FRMPD4: variants seen among roughly 807,000 people sequenced by gnomAD.
FRMPD4 encodes FERM and PDZ domain containing 4.
In FRMPD4, 22 loss-of-function variants were observed where a neutral mutation model predicts 94.1. That is an observed-to-expected ratio of 0.23 (90% CI 0.17 to 0.33). The LOEUF is 0.33. FRMPD4 is among the 10% of genes least tolerant of loss of function. FRMPD4 has a pLI of 1.00. For synonymous variants in FRMPD4, 631 were observed against 548.6 expected (o/e 1.15, Z -2.10); for missense variants, 1,111 against 1,339.9 (o/e 0.83, Z 2.67).
intron 3 of FRMPD4, among the ~76,000 whole-genome samples, chrX:11,978,082 G>A (rs1387016376): frequency 9.2e-6 from 1 of 109,246 alleles, no homozygotes; most frequent in African/African-American, 3.3e-5. Flanking sequence ...CAGCACTTTG[G>A]TAGGCCGAGG....
intron 1 of FRMPD4, among the ~76,000 whole-genome samples, chrX:12,234,388 A>G (rs2057048212): frequency 8.9e-6 from 1 of 112,188 alleles, no homozygotes; most frequent in African/African-American, 3.2e-5. Flanking sequence ...ACTTTACAGC[A>G]TAAATCTTTT....
chrX:11,920,318 C>T (rs1252306480), intron 3 of FRMPD4, among the ~76,000 whole-genome samples: 1 of 112,066 alleles, frequency 8.9e-6, no homozygotes, highest in Non-Finnish European at 1.9e-5. Context: ...GTCAGCTGCA[C>T]AGTGGCCCTA....
chrX:12,396,613 AATAGTACTGG>A, intron 1 of FRMPD4, among the ~76,000 whole-genome samples: 1 of 112,166 alleles, frequency 8.9e-6, no homozygotes, highest in African/African-American at 3.2e-5. Flanking sequence ...AAATTCCTGA[AATAGTACTGG>A]ATCAAAAACT....
chrX:12,165,841 G>C (rs1333752307), intron 1 of FRMPD4, among the ~76,000 whole-genome samples: 1 of 110,667 alleles, frequency 9.0e-6, no homozygotes, highest in Non-Finnish European at 1.9e-5. Flanking sequence ...TCATGATTTG[G>C]CTCTCTGTTT....
chrX:12,490,680 AC>A (rs2057784278), intron 1 of FRMPD4, among the ~76,000 whole-genome samples: 1 of 111,571 alleles, frequency 9.0e-6, no homozygotes, highest in African/African-American at 3.3e-5. Flanking sequence ...AGGATAAGGA[AC>A]CTGGTTAAGC....
intron 1 of FRMPD4, among the ~76,000 whole-genome samples, chrX:12,351,786 C>T (rs774487944): frequency 8.9e-6 from 1 of 112,814 alleles, no homozygotes; most frequent in Admixed American, 9.3e-5. Flanking sequence ...TTTCACGCAA[C>T]ACTGTGTTTG....
At chrX:12,540,679 A>C (rs1366368547) in intron 2 of FRMPD4, among the ~76,000 whole-genome samples, 1 of 111,516 alleles carries the variant, frequency 9.0e-6, no homozygotes, top group Non-Finnish European at 1.9e-5. Flanking sequence ...TAGACAGATC[A>C]ACAAGACAGA....
At chrX:12,055,975 C>T (rs1377713832) in intron 3 of FRMPD4, among the ~76,000 whole-genome samples, 2 of 111,449 alleles carry the variant, frequency 1.8e-5, no homozygotes, top group East Asian at 5.6e-4. Context: ...TTCCCAAGTT[C>T]CTCCTCCTCC....
intron 3 of FRMPD4, among the ~76,000 whole-genome samples, chrX:11,987,116 A>C (rs1268633570): frequency 7.0e-5 from 7 of 100,382 alleles, no homozygotes; most frequent in Non-Finnish European, 1.2e-4. Flanking sequence ...AAAAAAAAAA[A>C]AAAAAAAAAA....
chrX:11,906,115 T>TTTTTA (rs1555913026), intron 3 of FRMPD4, among the ~76,000 whole-genome samples: 1 of 88,247 alleles, frequency 1.1e-5, no homozygotes, highest in African/African-American at 4.1e-5. Flanking sequence ...TTTCCCTTCA[T>TTTTTA]TTTATTTATT....
chrX:12,498,595 A>G (rs1484848302), intron 1 of FRMPD4, 85 bp from the exon 2 acceptor site: 2 of 586,705 alleles, frequency 3.4e-6, no homozygotes, highest in African/African-American at 4.4e-5. Context: ...TAAGAGGAGC[A>G]AGTCACATTC....
chrX:12,330,906 A>G (rs2055360565), intron 1 of FRMPD4, among the ~76,000 whole-genome samples: 1 of 111,954 alleles, frequency 8.9e-6, no homozygotes, highest in Admixed American at 9.5e-5. Flanking sequence ...GAAGGAGCTC[A>G]TGGCTAGGAG....
chrX:11,830,167 T>C (rs5935169), intron 1 of FRMPD4, among the ~76,000 whole-genome samples: 30,652 of 111,010 alleles, frequency 0.28, 3,148 homozygotes, highest in Middle Eastern at 0.37. Context: ...ATAACTATAA[T>C]ATATGTCTAA....
At chrX:12,588,236 C>T (rs190787373) in intron 2 of FRMPD4, among the ~76,000 whole-genome samples, 3 of 112,400 alleles carry the variant, frequency 2.7e-5, no homozygotes, top group Non-Finnish European at 3.8e-5. Flanking sequence ...GTGATCTACC[C>T]ACCTTGGCCT....
chrX:12,549,672 T>G (rs1256836989), intron 2 of FRMPD4, among the ~76,000 whole-genome samples: 1 of 112,319 alleles, frequency 8.9e-6, no homozygotes, highest in Non-Finnish European at 1.9e-5. Flanking sequence ...GGCTTCATGC[T>G]GCTGTTAGCG....
intron 1 of FRMPD4, among the ~76,000 whole-genome samples, chrX:12,324,403 A>G (rs5979591): frequency 0.028 from 3,158 of 112,349 alleles, 111 homozygotes; most frequent in African/African-American, 0.098. Flanking sequence ...TCTTTGTTCA[A>G]ACCATAGCTT....
chrX:12,701,065 T>TTA (rs1360257346), intron 9 of FRMPD4, among the ~76,000 whole-genome samples: 3 of 94,684 alleles, frequency 3.2e-5, no homozygotes, highest in African/African-American at 1.2e-4. Flanking sequence ...TTGTTTTGGC[T>TTA]TCTTTTTTTT....
At chrX:12,397,945 T>C (rs1170276260) in intron 1 of FRMPD4, among the ~76,000 whole-genome samples, 1 of 111,722 alleles carries the variant, frequency 9.0e-6, no homozygotes, top group Non-Finnish European at 1.9e-5. Flanking sequence ...TTGTTAAAGA[T>C]GTTTAACAGA....
At chrX:12,356,044 A>G (rs748085004) in intron 1 of FRMPD4, among the ~76,000 whole-genome samples, 17 of 110,860 alleles carry the variant, frequency 1.5e-4, no homozygotes, top group African/African-American at 5.2e-4. Context: ...GTGTAGATGA[A>G]ATCTCATAGG....
Sources: gnomAD v4.1 joint callset for allele counts (sites outside exome capture counted in the v4.1 genomes callset) on GRCh38, gnomAD v4.1.1 for gene constraint, MANE v1.5 for transcripts, NCBI Gene and HGNC (gene_info 2026-07-23, HGNC 2026-07-21) for gene names.